Variants in PCDHA12 observed in about 807,000 individuals in gnomAD.
The protein encoded by PCDHA12 is protocadherin alpha-12.
Under a neutral mutation model 60.0 loss-of-function variants are expected in PCDHA12, and 44 were observed. The observed-to-expected ratio is 0.73, with a 90% CI of 0.58 to 0.94. The LOEUF (loss-of-function observed/expected upper bound fraction) is 0.94, where lower values mean the gene tolerates loss of function less well. Ranked by LOEUF, PCDHA12 falls within the 40% of genes least tolerant of loss-of-function variation. The pLI, the probability that PCDHA12 is intolerant of heterozygous loss-of-function variation, is 0.00. For synonymous variants in PCDHA12, 569 were observed against 553.0 expected (o/e 1.03, Z -0.40); for missense variants, 1,276 against 1,239.7 (o/e 1.03, Z -0.44).
At position 141,010,020 on chromosome 5, in the gene PCDHA12, TTCCTA is replaced by T. The variant is rs1554262638; in HGVS notation, c.*86_*90del. 6.4e-7 allele frequency: 1 copy of T among 1,572,330 alleles called. No individual in the cohort carries two copies. Among genetic ancestry groups the T allele is most frequent in the Non-Finnish European group, 8.6e-7 (1 of 1,163,268 alleles). On this transcript the variant is annotated 3_prime_UTR_variant, in exon 4 of 4. Coordinates refer to ENST00000398631, the MANE Select transcript of PCDHA12 (RefSeq NM_018903.4). ...CCATGTAGCAATTCCCTGCTCCTTT[TTCCTA>T]TCTACATGAGCCCTCTTAGAGACCT...
intron 1 of PCDHA12, among the ~76,000 whole-genome samples, chr5:140,894,197 A>G (rs1378272032): frequency 6.6e-6 from 1 of 152,008 alleles, no homozygotes; most frequent in Admixed American, 6.6e-5. Context: ...TATTTTTTCT[A>G]TGCTATTATA....
rs1554262965 is a variant in PCDHA12 at position 141,010,497 on chromosome 5, T to A, written c.*560T>A. Reference sequence around the variant, plus strand: ...AAGTGTAAACTTAAAGGGACCAGACTTTCTAAATCTTACAACTCAAGAGGT... The same window carrying A: ...AAGTGTAAACTTAAAGGGACCAGACATTCTAAATCTTACAACTCAAGAGGT... On this transcript the variant is annotated 3_prime_UTR_variant, in exon 4 of 4. Coordinates refer to ENST00000398631, the MANE Select transcript of PCDHA12 (RefSeq NM_018903.4). The A allele has an allele frequency of 1.7e-6, 1 of 584,358 alleles. No homozygotes were observed. Among genetic ancestry groups the A allele is most frequent in the African/African-American group, 1.9e-5 (1 of 53,100 alleles). 36.2% of individuals were successfully genotyped at this position (584,358 alleles called of 1,614,324 possible).
chr5:140,910,281 A>G (rs1198162778), intron 1 of PCDHA12, among the ~76,000 whole-genome samples: 4 of 151,152 alleles, frequency 2.6e-5, no homozygotes, highest in East Asian at 2.0e-4. Context: ...TAGGAACACC[A>G]TGATTAATCA....
At chr5:140,903,570 C>G (rs781884167) in intron 1 of PCDHA12, among the ~76,000 whole-genome samples, 3 of 152,154 alleles carry the variant, frequency 2.0e-5, no homozygotes, top group Non-Finnish European at 4.4e-5. Context: ...GAATTGGGAG[C>G]TGTCTAGCTG....
chr5:140,971,488 A>G (rs17119328), intron 1 of PCDHA12, among the ~76,000 whole-genome samples: 1 of 152,104 alleles, frequency 6.6e-6, no homozygotes, highest in African/African-American at 2.4e-5. Flanking sequence ...ACATTGTTAC[A>G]GTGTGGCAAG....
intron 2 of PCDHA12, among the ~76,000 whole-genome samples, chr5:140,981,835 T>C (rs991736759): frequency 6.6e-6 from 1 of 152,162 alleles, no homozygotes; most frequent in Non-Finnish European, 1.5e-5. Context: ...TCTAAAGGTC[T>C]CCCAGTTTGT....
At chr5:140,968,263 G>A (rs782272055) in intron 1 of PCDHA12, 20 of 1,613,978 alleles carry the variant, frequency 1.2e-5, no homozygotes, top group Middle Eastern at 3.3e-4. Flanking sequence ...CAGATGAAAA[G>A]GAGAATGCAG....
intron 1 of PCDHA12, among the ~76,000 whole-genome samples, chr5:140,933,690 T>A (rs1382967033): frequency 1.3e-5 from 2 of 152,048 alleles, no homozygotes; most frequent in Non-Finnish European, 2.9e-5. Flanking sequence ...TTTTTCCTAT[T>A]CCTCGGACAC....
intron 3 of PCDHA12, among the ~76,000 whole-genome samples, chr5:141,006,304 C>T (rs528368169): frequency 7.9e-5 from 12 of 152,036 alleles, no homozygotes; most frequent in African/African-American, 2.7e-4. Context: ...CTCCACTTCC[C>T]GGGTTCATGC....
intron 3 of PCDHA12, 75 bp from the exon 4 acceptor site, chr5:141,009,552 C>T: frequency 6.4e-7 from 1 of 1,562,176 alleles, no homozygotes; most frequent in Non-Finnish European, 8.7e-7. Context: ...TGCAGTACTC[C>T]TGTACTCTAC....
intron 1 of PCDHA12, chr5:140,929,117 T>C (rs1554206704): frequency 1.9e-6 from 3 of 1,614,160 alleles, no homozygotes; most frequent in African/African-American, 2.7e-5. Context: ...TCAGCCACCA[T>C]AGATGTCACT....
chr5:140,982,373 T>C, intron 2 of PCDHA12, 102 bp from the exon 3 acceptor site: 1 of 1,559,640 alleles, frequency 6.4e-7, no homozygotes, highest in Non-Finnish European at 8.7e-7. Context: ...ATGTGTTAGC[T>C]GCAGCCCTGG....
intron 1 of PCDHA12, among the ~76,000 whole-genome samples, chr5:140,916,378 A>C (rs772984424): frequency 6.6e-6 from 1 of 152,158 alleles, no homozygotes; most frequent in Non-Finnish European, 1.5e-5. Flanking sequence ...TGTAGCCACC[A>C]CAACTAGGAA....
At chr5:140,878,550 A>T (rs1483801784) in intron 1 of PCDHA12, among the ~76,000 whole-genome samples, 1 of 152,212 alleles carries the variant, frequency 6.6e-6, no homozygotes, top group African/African-American at 2.4e-5. Flanking sequence ...GTTTCAGATG[A>T]TCCCAAACTT....
chr5:140,992,845 C>T (rs2097530741), intron 3 of PCDHA12, among the ~76,000 whole-genome samples: 1 of 152,148 alleles, frequency 6.6e-6, no homozygotes, highest in African/African-American at 2.4e-5. Context: ...TTTTGTATAA[C>T]AACCAGTTTC....
At chr5:140,965,061 G>A (rs76085486) in intron 1 of PCDHA12, among the ~76,000 whole-genome samples, 2,501 of 152,286 alleles carry the variant, frequency 0.016, 68 homozygotes, top group African/African-American at 0.056. Context: ...CATGCCAAAT[G>A]TCAGGTCTCA....
At position 140,931,063 on chromosome 5, in the gene PCDHA12, A is replaced by C. The variant is rs1584700470; in HGVS notation, c.2368-47886A>C. Among the ~76,000 whole-genome samples, 4 of 152,202 alleles carry C rather than the reference A, an allele frequency of 2.6e-5. No individual in the cohort carries two copies. In the South Asian group the frequency reaches 8.3e-4, roughly 31 times the overall value. On this transcript the variant is annotated intron_variant, in intron 1 of 3. Coordinates refer to ENST00000398631, the MANE Select transcript of PCDHA12 (RefSeq NM_018903.4). ...GAAAAACTTCAATGCTGTGTCTGGGACTAAGTATGAGTCCAGTTCTACAGA... is the reference window on the plus strand; with the variant it reads ...GAAAAACTTCAATGCTGTGTCTGGGCCTAAGTATGAGTCCAGTTCTACAGA...
intron 1 of PCDHA12, among the ~76,000 whole-genome samples, chr5:140,948,785 G>T (rs2094304738): frequency 6.6e-6 from 1 of 151,242 alleles, no homozygotes; most frequent in South Asian, 2.1e-4. Flanking sequence ...TTTTGGCTTT[G>T]TTGATATATT....
chr5:140,929,414 A>C, intron 1 of PCDHA12: 1 of 1,504,422 alleles, frequency 6.6e-7, no homozygotes. Flanking sequence ...GCCTTTCACA[A>C]CATTTCATCA....
Sources: gnomAD v4.1 joint callset for allele counts (sites outside exome capture counted in the v4.1 genomes callset) on GRCh38, gnomAD v4.1.1 for gene constraint, MANE v1.5 for transcripts, NCBI Gene and HGNC (gene_info 2026-07-23, HGNC 2026-07-21) for gene names.